The following NPAS3 variants were observed in gnomAD, a reference collection of about 807,000 sequenced individuals.
The protein encoded by NPAS3 is neuronal PAS domain protein 3, also known as neuronal PAS domain-containing protein 3.
Under a neutral mutation model 73.1 loss-of-function variants are expected in NPAS3, and 14 were observed. The observed-to-expected ratio is 0.19, with a 90% CI of 0.13 to 0.30. The LOEUF is 0.30. Among genes scored for constraint, NPAS3 ranks in the 10% least tolerant of loss-of-function variants. NPAS3 has a pLI of 1.00. For missense variants in NPAS3, 1,096 were observed against 1,250.0 expected (o/e 0.88, Z 1.86); for synonymous variants, 620 against 541.5 (o/e 1.14, Z -2.01).
At chr14:33,731,447 G>C (rs1173144229) in intron 6 of NPAS3, among the ~76,000 whole-genome samples, 1 of 149,532 alleles carries the variant, frequency 6.7e-6, no homozygotes, top group Non-Finnish European at 1.5e-5. Flanking sequence ...AAAAGAGAGA[G>C]AGAAAGAAAA....
intron 3 of NPAS3, among the ~76,000 whole-genome samples, chr14:33,293,790 AT>A (rs1465874563): frequency 6.6e-6 from 1 of 152,232 alleles, no homozygotes; most frequent in Non-Finnish European, 1.5e-5. Context: ...AATAATACTA[AT>A]TTTACTTCCA....
intron 4 of NPAS3, among the ~76,000 whole-genome samples, chr14:33,555,566 GACTA>G (rs560739980): frequency 6.6e-6 from 1 of 152,196 alleles, no homozygotes; most frequent in African/African-American, 2.4e-5. Flanking sequence ...TGGTTTCCAA[GACTA>G]ACTGACTGAA....
At chr14:33,452,647 T>A (rs950907288) in intron 4 of NPAS3, among the ~76,000 whole-genome samples, 1 of 151,558 alleles carries the variant, frequency 6.6e-6, no homozygotes, top group Non-Finnish European at 1.5e-5. Context: ...TGATGGCGGG[T>A]GCCTGTAGTC....
chr14:33,759,000 A>G (rs1255442285), intron 7 of NPAS3, among the ~76,000 whole-genome samples: 1 of 152,254 alleles, frequency 6.6e-6, no homozygotes, highest in African/African-American at 2.4e-5. Context: ...ACAAGGGAAA[A>G]TCGGTCAATT....
chr14:33,643,699 A>T (rs1272711106), intron 5 of NPAS3, among the ~76,000 whole-genome samples: 1 of 152,198 alleles, frequency 6.6e-6, no homozygotes, highest in African/African-American at 2.4e-5. Context: ...AAGATGATCT[A>T]AAGGGGCTTT....
At chr14:33,169,337 GC>G (rs2045297488) in intron 2 of NPAS3, among the ~76,000 whole-genome samples, 1 of 152,178 alleles carries the variant, frequency 6.6e-6, no homozygotes, top group Non-Finnish European at 1.5e-5. Flanking sequence ...GGAGGCCAAG[GC>G]AGATGGATCA....
chr14:33,254,883 G>GA (rs770532648), intron 3 of NPAS3, among the ~76,000 whole-genome samples: 2 of 151,910 alleles, frequency 1.3e-5, no homozygotes. Context: ...AAGTCATAGT[G>GA]AAAATCTATG....
intron 2 of NPAS3, among the ~76,000 whole-genome samples, chr14:33,130,633 T>A (rs947328232): frequency 2.6e-5 from 4 of 152,194 alleles, no homozygotes; most frequent in African/African-American, 9.6e-5. Flanking sequence ...ATAACTTTTA[T>A]AACAAGTGAA....
In NPAS3 at chr14:33,499,181, C is replaced by T. The variant is rs1402875330; in HGVS notation, c.469-60940C>T. ...ATTTAATTTTTCCAAAAAATATTAT[C>T]GAAAAGAGCACCATGTTCAGGCTTG... On this transcript the variant is annotated intron_variant, in intron 4 of 11. Transcript: ENST00000356141. 2.6e-5 allele frequency among the ~76,000 whole-genome samples: 4 copies of T among 151,842 alleles called. No individual in the cohort carries two copies. In the East Asian group the frequency reaches 5.9e-4, roughly 22 times the overall value.
At chr14:33,438,677 C>A (rs555890288) in intron 4 of NPAS3, among the ~76,000 whole-genome samples, 18 of 152,268 alleles carry the variant, frequency 1.2e-4, no homozygotes, top group African/African-American at 3.6e-4. Flanking sequence ...AGAATCCATG[C>A]TCAGAATCAC....
intron 3 of NPAS3, among the ~76,000 whole-genome samples, chr14:33,238,518 T>C (rs2048114650): frequency 6.6e-6 from 1 of 151,974 alleles, no homozygotes; most frequent in Admixed American, 6.6e-5. Context: ...AGAGGAAAAA[T>C]ACCTATTTAC....
intron 10 of NPAS3, 29 bp from the exon 11 acceptor site, chr14:33,797,428 C>T: frequency 6.2e-7 from 1 of 1,611,336 alleles, no homozygotes; most frequent in Non-Finnish European, 8.5e-7. Flanking sequence ...TGGGTGTCTG[C>T]ACTCCTGACC....
intron 3 of NPAS3, among the ~76,000 whole-genome samples, chr14:33,353,899 G>A (rs1373936034): frequency 1.3e-5 from 2 of 152,114 alleles, no homozygotes; most frequent in Non-Finnish European, 2.9e-5. Flanking sequence ...TCTAGTTCTG[G>A]ATGTGGATTA....
intron 9 of NPAS3, among the ~76,000 whole-genome samples, chr14:33,785,052 G>A (rs1056514875): frequency 1.3e-5 from 2 of 151,794 alleles, no homozygotes; most frequent in African/African-American, 2.4e-5. Flanking sequence ...GCCCAGCCTA[G>A]TAGCTGCTTT....
chr14:33,054,044 C>T (rs1337879942), intron 1 of NPAS3, among the ~76,000 whole-genome samples: 1 of 152,262 alleles, frequency 6.6e-6, no homozygotes, highest in East Asian at 1.9e-4. Flanking sequence ...AAATCTGTAA[C>T]ATATCATCTG....
chr14:33,493,818 T>C (rs2052027756), intron 4 of NPAS3, among the ~76,000 whole-genome samples: 1 of 152,164 alleles, frequency 6.6e-6, no homozygotes. Context: ...AAGGATGTTT[T>C]GTCACTCACT....
chr14:33,621,679 C>T (rs557804026), intron 5 of NPAS3, among the ~76,000 whole-genome samples: 46 of 152,228 alleles, frequency 3.0e-4, no homozygotes, highest in Middle Eastern at 6.8e-3. Flanking sequence ...GAGCAATGCA[C>T]AGTAAAAGAC....
intron 6 of NPAS3, among the ~76,000 whole-genome samples, chr14:33,721,778 T>C (rs535083262): frequency 6.6e-6 from 1 of 152,298 alleles, no homozygotes; most frequent in South Asian, 2.1e-4. Context: ...AAGCACTACG[T>C]ATATGATCTG....
intron 2 of NPAS3, among the ~76,000 whole-genome samples, chr14:33,080,236 T>G (rs981568128): frequency 6.6e-6 from 1 of 152,006 alleles, no homozygotes; most frequent in East Asian, 1.9e-4. Context: ...GCCTCCCGAG[T>G]AGCTGGGACT....
Sources: allele counts gnomAD v4.1 joint callset (sites outside exome capture counted in the v4.1 genomes callset), GRCh38; gene constraint gnomAD v4.1.1; transcripts MANE v1.5; gene names NCBI Gene and HGNC (gene_info 2026-07-23, HGNC 2026-07-21).